Variants in CYP2C18 observed in about 807,000 individuals in gnomAD.
CYP2C18 encodes the protein cytochrome P450 2C18.
CYP2C18 carries 38 observed loss-of-function variants against 41.3 expected under a neutral mutation model. The observed-to-expected ratio is 0.92, with a 90% CI of 0.71 to 1.21. The LOEUF (loss-of-function observed/expected upper bound fraction) is 1.21. CYP2C18 is among the 50% of genes most tolerant of loss of function. The pLI, the probability that CYP2C18 is intolerant of heterozygous loss-of-function variation, is 0.00. For missense variants in CYP2C18, 635 were observed against 591.4 expected (o/e 1.07, Z -0.77); for synonymous variants, 236 against 210.0 (o/e 1.12, Z -1.07).
At chr10:94,735,158 T>A in intron 8 of CYP2C18, 105 bp from the exon 9 acceptor site, 1 of 1,168,348 alleles carries the variant, frequency 8.6e-7, no homozygotes, top group South Asian at 1.4e-5. Flanking sequence ...CTGCCTTCGA[T>A]CCATCCATCT....
intron 4 of CYP2C18, among the ~76,000 whole-genome samples, chr10:94,703,687 C>G (rs1463396264): frequency 6.6e-6 from 1 of 152,162 alleles, no homozygotes; most frequent in Non-Finnish European, 1.5e-5. Flanking sequence ...AGGGTGGGAT[C>G]CTGTGAGCTA....
chr10:94,725,214 A>G (rs932032771), intron 7 of CYP2C18, among the ~76,000 whole-genome samples: 1 of 151,232 alleles, frequency 6.6e-6, no homozygotes, highest in African/African-American at 2.4e-5. Flanking sequence ...AGCTGGGATT[A>G]GAGATGTGTG....
At chr10:94,701,736 A>G (rs1847250277) in intron 4 of CYP2C18, among the ~76,000 whole-genome samples, 1 of 152,188 alleles carries the variant, frequency 6.6e-6, no homozygotes, top group Admixed American at 6.5e-5. Context: ...TGGCAGGTCA[A>G]CTTTCTGTCA....
intron 5 of CYP2C18, among the ~76,000 whole-genome samples, chr10:94,714,762 C>T (rs1263445330): frequency 6.6e-6 from 1 of 152,068 alleles, no homozygotes; most frequent in East Asian, 1.9e-4. Context: ...TATAAATTAC[C>T]TTGGGAAGTA....
chr10:94,702,401 G>A (rs767312298), intron 4 of CYP2C18, among the ~76,000 whole-genome samples: 1 of 152,030 alleles, frequency 6.6e-6, no homozygotes, highest in African/African-American at 2.4e-5. Flanking sequence ...TTTTCACTTA[G>A]TCCCATATTT....
intron 5 of CYP2C18, among the ~76,000 whole-genome samples, chr10:94,716,877 C>T (rs532639174): frequency 1.2e-4 from 19 of 152,108 alleles, no homozygotes; most frequent in Admixed American, 2.6e-4. Flanking sequence ...GTATTGGGTG[C>T]ATATATATTT....
chr10:94,718,950 G>C (rs1231966920), intron 5 of CYP2C18, among the ~76,000 whole-genome samples: 2 of 152,042 alleles, frequency 1.3e-5, no homozygotes, highest in Admixed American at 1.3e-4. Flanking sequence ...GTAGTGCCTG[G>C]GTGAGGTTGG....
chr10:94,728,225 A>AT (rs1308222376), intron 7 of CYP2C18, among the ~76,000 whole-genome samples: 6 of 151,360 alleles, frequency 4.0e-5, no homozygotes, highest in East Asian at 1.9e-4. Flanking sequence ...TTTTGTTAGA[A>AT]TTTTTTTTTG....
chr10:94,717,550 G>A (rs1847574160), intron 5 of CYP2C18, among the ~76,000 whole-genome samples: 1 of 152,066 alleles, frequency 6.6e-6, no homozygotes, highest in Non-Finnish European at 1.5e-5. Context: ...TCAATGTCCT[G>A]TAGTTTTTCC....
In CYP2C18 at chr10:94,683,865, CT is replaced by C. The variant is rs1564635685; in HGVS notation, c.47del (p.Leu16ProfsTer30). 5 of 1,610,744 alleles carry C rather than the reference CT, an allele frequency of 3.1e-6. No individual in the cohort carries two copies. Among genetic ancestry groups the C allele is most frequent in the Non-Finnish European group, 4.2e-6 (5 of 1,178,476 alleles). On this transcript the variant is annotated frameshift_variant, in exon 1 of 9. Transcript: ENST00000285979. LOFTEE classifies it high-confidence loss of function. ...ALVLCLSCLF[L>X]LSLWRQSSGR... ...GGTGCTCTGTCTCTCCTGTTTGTTT[CT>C]CCTTTCACTCTGGAGGCAGAGCTCT...
At chr10:94,717,349 C>A (rs1847568401) in intron 5 of CYP2C18, among the ~76,000 whole-genome samples, 2 of 152,022 alleles carry the variant, frequency 1.3e-5, no homozygotes, top group South Asian at 4.2e-4. Flanking sequence ...TTAGTGCTTC[C>A]TTCTGGTGCT....
rs371980461 is a variant in CYP2C18 at position 94,685,257 on chromosome 10, C to T, written c.168+1270C>T. On this transcript the variant is annotated intron_variant, in intron 1 of 8. Transcript: ENST00000285979. ...TTATGTTGTCCAGGCTGGTCTTGAA[C>T]TCTTGGGCTCAAGCAATCCACCCAC... is the stretch of plus-strand genomic sequence containing the variant. Among the ~76,000 whole-genome samples the T allele has an allele frequency of 2.6e-5, 4 of 152,172 alleles. 1 individual carries two copies. In the South Asian group the frequency reaches 8.3e-4, roughly 32 times the overall value.
intron 5 of CYP2C18, among the ~76,000 whole-genome samples, chr10:94,710,324 G>T (rs1363997114): frequency 6.6e-6 from 1 of 152,156 alleles, no homozygotes; most frequent in Admixed American, 6.5e-5. Flanking sequence ...CTCCAGTTTT[G>T]TTCTTTCCCA....
At chr10:94,690,798 C>T (rs923737055) in intron 3 of CYP2C18, among the ~76,000 whole-genome samples, 1 of 152,134 alleles carries the variant, frequency 6.6e-6, no homozygotes, top group African/African-American at 2.4e-5. Context: ...CAAACTGAAT[C>T]CAGCAACACA....
In CYP2C18 at chr10:94,735,286, G is replaced by A. The variant is rs1367741529; in HGVS notation, c.1315G>A (p.Gly439Ser). 2.5e-6 allele frequency: 4 copies of A among 1,613,388 alleles called. No homozygotes were observed. The highest frequency in any genetic ancestry group is 2.2e-5 in the East Asian group (1 of 44,866). ...SAGKRMCMGEGLARMELFLFL... is the reference protein window; with the variant it reads ...SAGKRMCMGESLARMELFLFL... Reference sequence around the variant, plus strand: ...AGGAAAACGGATGTGTATGGGAGAGGGCCTGGCCCGCATGGAGCTGTTTTT... The same window carrying A: ...AGGAAAACGGATGTGTATGGGAGAGAGCCTGGCCCGCATGGAGCTGTTTTT... Residue 439 changes from glycine (G) to serine (S), a missense_variant, in exon 9 of 9, where the codon GGC becomes AGC. By Grantham distance (56) the Gly-to-Ser change is moderately conservative. Transcript: ENST00000285979.
At chr10:94,690,729 G>T (rs924616145) in intron 3 of CYP2C18, among the ~76,000 whole-genome samples, 4 of 152,072 alleles carry the variant, frequency 2.6e-5, no homozygotes, top group African/African-American at 9.7e-5. Flanking sequence ...CAAAAAAAGA[G>T]AATTTTAGAC....
chr10:94,727,530 GCTGGTGTCCAA>G lies in CYP2C18; in HGVS notation c.1149+2998_1149+3008del, dbSNP rs1253008128. 5.9e-5 allele frequency among the ~76,000 whole-genome samples: 9 copies of G among 151,858 alleles called. No individual in the cohort carries two copies. The East Asian group carries it at 1.2e-3, about 20-fold the overall frequency. Reference sequence around the variant, plus strand: ...CTTGGGAGGCTGAAGTGGGAGGATTGCTGGTGTCCAAGAGGTTGACGCTGCTGTGAGCTATG... The same window carrying G: ...CTTGGGAGGCTGAAGTGGGAGGATTGGAGGTTGACGCTGCTGTGAGCTATG... On this transcript the variant is annotated intron_variant, in intron 7 of 8. Coordinates refer to ENST00000285979, the MANE Select transcript of CYP2C18 (RefSeq NM_000772.3).
At chr10:94,687,472 G>A (rs1441429261) in intron 1 of CYP2C18, among the ~76,000 whole-genome samples, 2 of 152,276 alleles carry the variant, frequency 1.3e-5, no homozygotes, top group Admixed American at 6.5e-5. Context: ...CACTGGCAGT[G>A]AATTTGAAAT....
chr10:94,690,187 AT>A (rs1846969994), intron 3 of CYP2C18, among the ~76,000 whole-genome samples: 8 of 152,108 alleles, frequency 5.3e-5, no homozygotes, highest in Admixed American at 5.2e-4. Context: ...TCCTCGGTGA[AT>A]TTTAAAACAA....
Sources: gnomAD v4.1 joint callset for allele counts (sites outside exome capture counted in the v4.1 genomes callset) on GRCh38, gnomAD v4.1.1 for gene constraint, MANE v1.5 for transcripts, NCBI Gene and HGNC (gene_info 2026-07-23, HGNC 2026-07-21) for gene names.